The following NTN1 variants were observed in gnomAD, a reference collection of about 807,000 sequenced individuals.
NTN1 encodes netrin 1.
Under a neutral mutation model 54.2 loss-of-function variants are expected in NTN1, and 11 were observed. That is an observed-to-expected ratio of 0.20 (90% CI 0.13 to 0.34). The LOEUF is 0.34. Among genes scored for constraint, NTN1 ranks in the 10% least tolerant of loss-of-function variants. NTN1 has a pLI of 1.00. For missense variants in NTN1, 740 were observed against 893.1 expected (o/e 0.83, Z 2.18); for synonymous variants, 371 against 382.0 (o/e 0.97, Z 0.33).
intron 2 of NTN1, among the ~76,000 whole-genome samples, chr17:9,097,760 A>C (rs1380045350): frequency 2.6e-5 from 4 of 152,218 alleles, no homozygotes; most frequent in Admixed American, 6.5e-5. Flanking sequence ...TTTATCACTT[A>C]ATATATCGTG....
intron 3 of NTN1, chr17:9,174,505 G>A (rs1483356927): frequency 6.6e-6 from 1 of 152,482 alleles, no homozygotes; most frequent in Non-Finnish European, 1.5e-5. Flanking sequence ...CCAAGATCAA[G>A]GTGTCAGCAG....
intron 5 of NTN1, among the ~76,000 whole-genome samples, chr17:9,193,933 A>AAAAAAAAAAAAAAAAC (rs1904545513): frequency 7.1e-6 from 1 of 140,090 alleles, no homozygotes; most frequent in African/African-American, 2.6e-5. Flanking sequence ...AAAAAAAAAA[A>AAAAAAAAAAAAAAAAC]AAAAAAAAAA....
intron 2 of NTN1, among the ~76,000 whole-genome samples, chr17:9,136,550 C>T (rs1474395962): frequency 6.6e-6 from 1 of 152,056 alleles, no homozygotes; most frequent in African/African-American, 2.4e-5. Flanking sequence ...GCACTCCAGC[C>T]TGGGCAACAG....
chr17:9,111,490 G>T (rs573302908), intron 2 of NTN1, among the ~76,000 whole-genome samples: 1 of 152,228 alleles, frequency 6.6e-6, no homozygotes, highest in East Asian at 1.9e-4. Context: ...GGAGAGGCAG[G>T]TTCTTCTGGG....
intron 2 of NTN1, among the ~76,000 whole-genome samples, chr17:9,070,844 C>T (rs61599616): frequency 0.05 from 7,531 of 151,606 alleles, 494 homozygotes; most frequent in African/African-American, 0.15. Flanking sequence ...TGCCCGCCTC[C>T]GCCTCCCAAA....
chr17:9,166,824 C>T (rs938005088), intron 3 of NTN1, among the ~76,000 whole-genome samples: 7 of 152,162 alleles, frequency 4.6e-5, no homozygotes, highest in African/African-American at 1.7e-4. Flanking sequence ...CCAGACTTTA[C>T]AGGGCCTGGG....
At chr17:9,127,397 C>G (rs914663717) in intron 2 of NTN1, among the ~76,000 whole-genome samples, 2 of 152,090 alleles carry the variant, frequency 1.3e-5, no homozygotes. Flanking sequence ...GAGTCCTTCT[C>G]AAGGGTTTGT....
chr17:9,177,038 A>G (rs1340529393), intron 3 of NTN1: 1 of 152,302 alleles, frequency 6.6e-6, no homozygotes, highest in Non-Finnish European at 1.5e-5. Context: ...CCCCTTTGGG[A>G]CCCTGATTGC....
chr17:9,012,354 T>C, the NTN1 span, among the ~76,000 whole-genome samples: 2 of 151,986 alleles, frequency 1.3e-5, no homozygotes, highest in South Asian at 2.1e-4. Context: ...CTACTAAAAG[T>C]ACAAAAATTA....
chr17:9,055,290 A>T (rs913154056), intron 2 of NTN1, among the ~76,000 whole-genome samples: 1 of 152,218 alleles, frequency 6.6e-6, no homozygotes, highest in Non-Finnish European at 1.5e-5. Context: ...CACCCACTGC[A>T]TCCAGGCAGA....
chr17:9,136,701 CT>C (rs2092282630), intron 2 of NTN1, among the ~76,000 whole-genome samples: 1 of 152,176 alleles, frequency 6.6e-6, no homozygotes, highest in Non-Finnish European at 1.5e-5. Context: ...GCGCTTCATC[CT>C]TTTATTATTT....
chr17:9,060,478 TG>T (rs1403270470), intron 2 of NTN1, among the ~76,000 whole-genome samples: 1 of 152,194 alleles, frequency 6.6e-6, no homozygotes, highest in East Asian at 1.9e-4. Context: ...TTTTTTACTG[TG>T]TGGGGCATTG....
intron 2 of NTN1, among the ~76,000 whole-genome samples, chr17:9,115,680 C>G (rs970502160): frequency 6.6e-6 from 1 of 152,262 alleles, no homozygotes; most frequent in African/African-American, 2.4e-5. Flanking sequence ...CCTTCCCCCC[C>G]GGGGCGGGGA....
At chr17:9,204,181 TTCCTTCCTTCCC>T (rs1180751479) in intron 5 of NTN1, among the ~76,000 whole-genome samples, 4 of 141,016 alleles carry the variant, frequency 2.8e-5, no homozygotes, top group African/African-American at 8.1e-5. Flanking sequence ...TAACCGTTCC[TTCCTTCCTTCCC>T]TCCTTCCTTC....
At chr17:9,056,322 G>T (rs1470917230) in intron 2 of NTN1, among the ~76,000 whole-genome samples, 1 of 152,210 alleles carries the variant, frequency 6.6e-6, no homozygotes, top group African/African-American at 2.4e-5. Flanking sequence ...CTCCCAAAGT[G>T]TTGGGATTAC....
intron 4 of NTN1, among the ~76,000 whole-genome samples, chr17:9,181,688 A>G (rs1265207474): frequency 6.6e-6 from 1 of 152,186 alleles, no homozygotes; most frequent in Non-Finnish European, 1.5e-5. Context: ...CCATCCACCA[A>G]GCCTCAAGTC....
intron 5 of NTN1, among the ~76,000 whole-genome samples, chr17:9,220,808 T>C (rs964110884): frequency 2.6e-5 from 4 of 152,018 alleles, no homozygotes; most frequent in Non-Finnish European, 5.9e-5. Context: ...ATGAGGCCTC[T>C]ATCGGCTTTA....
intron 6 of NTN1, among the ~76,000 whole-genome samples, chr17:9,225,687 TGA>T (rs1905511078): frequency 1.3e-5 from 2 of 149,210 alleles, no homozygotes. Context: ...GGCCTGGGGA[TGA>T]GAGAGCAGGG....
At chr17:9,089,836 T>C (rs1027306333) in intron 2 of NTN1, among the ~76,000 whole-genome samples, 2 of 152,206 alleles carry the variant, frequency 1.3e-5, no homozygotes, top group African/African-American at 4.8e-5. Flanking sequence ...TGGCTCCTGC[T>C]ACCGACCTCC....
Sources: gnomAD v4.1 joint callset for allele counts (sites outside exome capture counted in the v4.1 genomes callset) on GRCh38, gnomAD v4.1.1 for gene constraint, MANE v1.5 for transcripts, NCBI Gene and HGNC (gene_info 2026-07-23, HGNC 2026-07-21) for gene names.